PEAK1: variants seen among roughly 807,000 people sequenced by gnomAD.
The protein encoded by PEAK1 is inactive tyrosine-protein kinase PEAK1.
A neutral mutation model predicts 124.7 loss-of-function variants in PEAK1; 54 were observed. The observed-to-expected ratio is 0.43, with a 90% confidence interval of 0.35 to 0.54. PEAK1 has a LOEUF of 0.54. Ranked by LOEUF, PEAK1 falls within the 20% of genes least tolerant of loss-of-function variation. The probability of loss-of-function intolerance (pLI) is 0.01; values close to 1 mark genes in which losing one functional copy is unlikely to be tolerated. For missense variants in PEAK1, 2,046 were observed against 2,134.5 expected, an observed-to-expected ratio of 0.96 and a Z score of 0.82; for synonymous variants, 719 against 760.0, an observed-to-expected ratio of 0.95 and a Z score of 0.89.
At chr15:77,287,470 C>A (rs1010222188) in intron 2 of PEAK1, among the ~76,000 whole-genome samples, 5 of 152,140 alleles carry the variant, frequency 3.3e-5, no homozygotes, top group Non-Finnish European at 7.4e-5. Context: ...TTCAAGAATG[C>A]TTAAATTGTG....
chr15:77,417,394 A>G, intron 1 of PEAK1: 1 of 977,470 alleles, frequency 1.0e-6, no homozygotes, highest in Non-Finnish European at 1.2e-6. Context: ...GAGGGAACCT[A>G]GAAAGTACCA....
intron 5 of PEAK1, among the ~76,000 whole-genome samples, chr15:77,277,561 A>G (rs1464761302): frequency 2.0e-5 from 3 of 152,218 alleles, no homozygotes; most frequent in Non-Finnish European, 4.4e-5. Flanking sequence ...TCTCTGTACT[A>G]TGTTTTCAAA....
chr15:77,210,949 G>A (rs534312822), intron 6 of PEAK1, among the ~76,000 whole-genome samples: 69 of 152,264 alleles, frequency 4.5e-4, no homozygotes, highest in African/African-American at 1.6e-3. Context: ...GCAATATTCA[G>A]CTAGTTTATG....
At chr15:77,162,157 G>A (rs2055705581) in intron 7 of PEAK1, among the ~76,000 whole-genome samples, 1 of 151,774 alleles carries the variant, frequency 6.6e-6, no homozygotes, top group South Asian at 2.1e-4. Context: ...AAGAAAAAAA[G>A]GAAAATCTCT....
intron 6 of PEAK1, among the ~76,000 whole-genome samples, chr15:77,225,652 T>TA (rs2059598536): frequency 8.4e-6 from 1 of 119,082 alleles, no homozygotes; most frequent in Non-Finnish European, 1.8e-5. Flanking sequence ...TGTGTGTGTG[T>TA]GTGTGTGTAT....
rs1485677628 is a variant in PEAK1, at chr15:77,303,657, A to G, written c.-602-17153T>C. Reference sequence around the variant, plus strand: ...ATATTTTGGATTCAAGTGTTATATAAGTGTTTTACAAATATTTTCTCCCCA... The same window carrying G: ...ATATTTTGGATTCAAGTGTTATATAGGTGTTTTACAAATATTTTCTCCCCA... On this transcript the variant is annotated intron_variant, in intron 2 of 9. Coordinates refer to ENST00000682557, the MANE Select transcript of PEAK1 (RefSeq NM_001385026.1). Among the ~76,000 whole-genome samples the G allele has an allele frequency of 2.0e-5, 3 of 152,150 alleles. No individual in the cohort carries two copies. The East Asian group carries it at 5.8e-4, about 29-fold the overall frequency.
At chr15:77,296,856 A>G (rs2063512267) in intron 2 of PEAK1, among the ~76,000 whole-genome samples, 1 of 151,722 alleles carries the variant, frequency 6.6e-6, no homozygotes, top group African/African-American at 2.4e-5. Flanking sequence ...GGATATAGGG[A>G]GAGAACGAGA....
rs773007099 is a variant in PEAK1 at position 77,178,908 on chromosome 15, C to G, written c.3019G>C (p.Ala1007Pro). 6.2e-7 allele frequency: 1 copy of G among 1,614,074 alleles called. No individual in the cohort carries two copies. The change falls in exon 7 of 10, where the codon GCT becomes CCT. Residue 1007 changes from alanine to proline, a missense_variant. Physicochemically the swap from Ala to Pro is conservative, Grantham distance 27. Coordinates refer to ENST00000682557, the MANE Select transcript of PEAK1 (RefSeq NM_001385026.1). Reference protein sequence around the residue: ...QGQLSVDQSKARTDQAAVMEK... With the variant: ...QGQLSVDQSKPRTDQAAVMEK... ...ATGACTGCTGCCTGGTCTGTCCTAGCCTTGCTCTGATCCACACTGAGCTGG... is the reference window on the plus strand; with the variant it reads ...ATGACTGCTGCCTGGTCTGTCCTAGGCTTGCTCTGATCCACACTGAGCTGG...
At chr15:77,386,157 T>C (rs2069918998) in intron 1 of PEAK1, among the ~76,000 whole-genome samples, 1 of 152,194 alleles carries the variant, frequency 6.6e-6, no homozygotes, top group African/African-American at 2.4e-5. Flanking sequence ...CATTTATTCC[T>C]CAGAAAATCT....
At chr15:77,157,904 T>C (rs558851109) in intron 8 of PEAK1, 4 of 152,432 alleles carry the variant, frequency 2.6e-5, no homozygotes, top group African/African-American at 9.6e-5. Context: ...ACAAATCTAA[T>C]TGTGTTATTC....
At chr15:77,341,362 T>C (rs1337545802) in intron 2 of PEAK1, among the ~76,000 whole-genome samples, 1 of 152,022 alleles carries the variant, frequency 6.6e-6, no homozygotes, top group Non-Finnish European at 1.5e-5. Context: ...CAGCTGGGCA[T>C]AGTGGCACGT....
At chr15:77,254,415 A>C (rs931859175) in intron 5 of PEAK1, among the ~76,000 whole-genome samples, 16 of 152,020 alleles carry the variant, frequency 1.1e-4, no homozygotes, top group African/African-American at 3.6e-4. Flanking sequence ...CCAAGTAAGC[A>C]GCAATGAGTA....
At chr15:77,160,406 A>G (rs1000730890) in intron 7 of PEAK1, among the ~76,000 whole-genome samples, 1 of 152,044 alleles carries the variant, frequency 6.6e-6, no homozygotes, top group African/African-American at 2.4e-5. Flanking sequence ...GGCCAGGTTC[A>G]GTGGCTCGCA....
chr15:77,197,481 G>C (rs985620459), intron 6 of PEAK1, among the ~76,000 whole-genome samples: 4 of 152,102 alleles, frequency 2.6e-5, no homozygotes, highest in African/African-American at 7.2e-5. Context: ...ATAATCTTTT[G>C]AAAGTTTCTG....
chr15:77,416,903 C>T, intron 1 of PEAK1, among the ~76,000 whole-genome samples: 1 of 152,232 alleles, frequency 6.6e-6, no homozygotes, highest in South Asian at 2.1e-4. Context: ...ATTAATTTCA[C>T]TTTTTACTTT....
At position 77,126,941 on chromosome 15, in the gene PEAK1, C is replaced by T. The variant is rs146195990; in HGVS notation, c.4077+6064G>A. On this transcript the variant is annotated intron_variant, in intron 9 of 9. Transcript: ENST00000682557. ...TTTATAACAAAGACAAACATGACAC[C>T]TGCTATGGACAGAATTGTCTCTCTC... Among the ~76,000 whole-genome samples the T allele has an allele frequency of 2.0e-3, 312 of 152,304 alleles. 1 individual carries two copies. The highest frequency in any genetic ancestry group is 0.014 in the Middle Eastern group (4 of 294).
At chr15:77,383,139 T>G (rs1201598858) in intron 1 of PEAK1, among the ~76,000 whole-genome samples, 1 of 151,298 alleles carries the variant, frequency 6.6e-6, no homozygotes, top group Non-Finnish European at 1.5e-5. Context: ...GTCTCCTTTC[T>G]CAGCCTCCCG....
In PEAK1 at chr15:77,277,269, G is replaced by A. The variant is rs79141748; in HGVS notation, c.-275+6614C>T. Among the ~76,000 whole-genome samples the A allele has an allele frequency of 7.3e-3, 1,111 of 152,194 alleles. 15 individuals carry two copies. Among genetic ancestry groups the A allele is most frequent in the African/African-American group, 0.025 (1,055 of 41,520 alleles). ...TCCATTTATATAACATTCTCAAAAT[G>A]ACAAAATTATAGAGATGGTTACCAA... On this transcript the variant is annotated intron_variant, in intron 5 of 9. Transcript: ENST00000682557.
intron 2 of PEAK1, chr15:77,335,934 A>G (rs960970645): frequency 2.0e-6 from 2 of 985,284 alleles, no homozygotes; most frequent in South Asian, 4.7e-5. Context: ...AAGAACACCT[A>G]TCTCTTTCTG....
Sources: allele counts gnomAD v4.1 joint callset (sites outside exome capture counted in the v4.1 genomes callset), GRCh38; gene constraint gnomAD v4.1.1; transcripts MANE v1.5; gene names NCBI Gene and HGNC (gene_info 2026-07-23, HGNC 2026-07-21).